XKR9: variants seen among roughly 807,000 people sequenced by gnomAD.
The protein encoded by XKR9 is XK-related protein 9.
Under a neutral mutation model 32.0 loss-of-function variants are expected in XKR9, and 32 were observed. The observed-to-expected ratio is 1.00, with a 90% CI of 0.76 to 1.34. XKR9 has a LOEUF of 1.34. Ranked by LOEUF, XKR9 falls within the 40% of genes most tolerant of loss-of-function variation. The pLI, the probability that XKR9 is intolerant of heterozygous loss-of-function variation, is 0.00. For missense variants in XKR9, 546 were observed against 429.7 expected (o/e 1.27, Z -2.39); for synonymous variants, 168 against 143.4 (o/e 1.17, Z -1.22).
At chr8:71,032,433 T>A in the XKR9 span, among the ~76,000 whole-genome samples, 2 of 151,980 alleles carry the variant, frequency 1.3e-5, no homozygotes, top group African/African-American at 2.4e-5. Flanking sequence ...ATAAAATCAC[T>A]AGTTACATGG....
At chr8:70,892,788 A>G in the XKR9 span, among the ~76,000 whole-genome samples, 5 of 151,934 alleles carry the variant, frequency 3.3e-5, no homozygotes, top group Non-Finnish European at 7.4e-5. Context: ...TTGACTTTTG[A>G]TGATTTGACT....
At chr8:70,825,487 T>G in the XKR9 span, among the ~76,000 whole-genome samples, 1 of 152,146 alleles carries the variant, frequency 6.6e-6, no homozygotes, top group Non-Finnish European at 1.5e-5. Flanking sequence ...TTATTACTCA[T>G]ACAATTCTCT....
chr8:70,909,239 T>A, the XKR9 span, among the ~76,000 whole-genome samples: 1 of 152,196 alleles, frequency 6.6e-6, no homozygotes, highest in Non-Finnish European at 1.5e-5. Flanking sequence ...TCCTGTGAAT[T>A]GCCTCCTCGT....
intron 4 of XKR9, among the ~76,000 whole-genome samples, chr8:70,731,151 G>C (rs1200635304): frequency 6.6e-6 from 1 of 152,130 alleles, no homozygotes; most frequent in Non-Finnish European, 1.5e-5. Flanking sequence ...CAAATTCTTA[G>C]CACAAAGCAC....
chr8:70,678,466 A>G (rs1563416493), intron 2 of XKR9, among the ~76,000 whole-genome samples: 1 of 152,170 alleles, frequency 6.6e-6, no homozygotes, highest in Non-Finnish European at 1.5e-5. Context: ...AGGGGCAGGA[A>G]TATTTGTCTC....
the XKR9 span, among the ~76,000 whole-genome samples, chr8:70,997,912 A>G: frequency 6.6e-6 from 1 of 152,192 alleles, no homozygotes; most frequent in African/African-American, 2.4e-5. Context: ...TTGTTGCTAA[A>G]AGAGGAATTT....
At chr8:70,928,046 G>A in the XKR9 span, among the ~76,000 whole-genome samples, 4 of 151,982 alleles carry the variant, frequency 2.6e-5, no homozygotes, top group Admixed American at 6.6e-5. Flanking sequence ...ATCTAATTTC[G>A]TGTGTGTGTG....
chr8:70,827,957 A>G, the XKR9 span, among the ~76,000 whole-genome samples: 1 of 152,198 alleles, frequency 6.6e-6, no homozygotes, highest in Non-Finnish European at 1.5e-5. Flanking sequence ...TATTTTTAAT[A>G]TATCCAGTGA....
At chr8:70,980,854 A>G in the XKR9 span, among the ~76,000 whole-genome samples, 1 of 152,172 alleles carries the variant, frequency 6.6e-6, no homozygotes, top group African/African-American at 2.4e-5. Context: ...TTATCTTGGC[A>G]TTTGTTTGTC....
At chr8:70,732,886 G>A (rs1296290493) in intron 4 of XKR9, among the ~76,000 whole-genome samples, 1 of 152,222 alleles carries the variant, frequency 6.6e-6, no homozygotes, top group African/African-American at 2.4e-5. Flanking sequence ...GGGAGGCTGA[G>A]CTGGGTGGAT....
chr8:70,720,245 CAG>C (rs756910525), intron 4 of XKR9, among the ~76,000 whole-genome samples: 1 of 152,154 alleles, frequency 6.6e-6, no homozygotes, highest in African/African-American at 2.4e-5. Context: ...CACCTGCAAA[CAG>C]AGACAATTTG....
intron 4 of XKR9, among the ~76,000 whole-genome samples, chr8:70,720,941 C>T (rs769880495): frequency 6.6e-6 from 1 of 151,952 alleles, no homozygotes; most frequent in Non-Finnish European, 1.5e-5. Flanking sequence ...GGGCTTTGTT[C>T]GGTTGGTAGG....
intron 2 of XKR9, among the ~76,000 whole-genome samples, chr8:70,760,747 A>T (rs1315913231): frequency 2.0e-5 from 3 of 152,138 alleles, no homozygotes; most frequent in Admixed American, 6.6e-5. Context: ...CATGTGCAGG[A>T]TGTGCAGGTT....
At chr8:70,941,414 TAA>T in the XKR9 span, among the ~76,000 whole-genome samples, 1 of 152,078 alleles carries the variant, frequency 6.6e-6, no homozygotes, top group Non-Finnish European at 1.5e-5. Flanking sequence ...AACCTAAAGA[TAA>T]AGCCAGGGTC....
the XKR9 span, among the ~76,000 whole-genome samples, chr8:70,909,367 C>G: frequency 6.6e-6 from 1 of 152,124 alleles, no homozygotes; most frequent in Admixed American, 6.5e-5. Flanking sequence ...TGGCAAATGT[C>G]TACTTGTCCT....
chr8:70,802,211 C>T, the XKR9 span, among the ~76,000 whole-genome samples: 1 of 152,194 alleles, frequency 6.6e-6, no homozygotes, highest in Non-Finnish European at 1.5e-5. Context: ...GCTGGGATTA[C>T]AGGCGTGAGC....
the XKR9 span, among the ~76,000 whole-genome samples, chr8:70,958,933 A>G: frequency 3.5e-4 from 52 of 150,498 alleles, no homozygotes; most frequent in African/African-American, 8.7e-4. Context: ...ATTTGTGTGT[A>G]TATATATATA....
chr8:71,036,460 CCTT>C, the XKR9 span, among the ~76,000 whole-genome samples: 2 of 151,902 alleles, frequency 1.3e-5, no homozygotes, highest in Non-Finnish European at 2.9e-5. Flanking sequence ...AGAAAAAAAA[CCTT>C]CTTTTTTTTC....
the XKR9 span, among the ~76,000 whole-genome samples, chr8:70,945,864 C>T: frequency 2.0e-3 from 301 of 152,286 alleles, no homozygotes; most frequent in Non-Finnish European, 3.7e-3. Context: ...CGGCCAGGCG[C>T]GGTGGCTCAT....
Sources: allele counts gnomAD v4.1 joint callset (sites outside exome capture counted in the v4.1 genomes callset), GRCh38; gene constraint gnomAD v4.1.1; transcripts MANE v1.5; gene names NCBI Gene and HGNC (gene_info 2026-07-23, HGNC 2026-07-21).